Variants in PTPRD observed in about 807,000 individuals in gnomAD.
PTPRD encodes protein tyrosine phosphatase receptor type D.
In PTPRD, 34 loss-of-function variants were observed where a neutral mutation model predicts 214.5. That is an observed-to-expected ratio of 0.16 (90% confidence interval 0.12 to 0.21). The LOEUF is 0.21. Among genes scored for constraint, PTPRD ranks in the 10% least tolerant of loss-of-function variants. PTPRD has a pLI of 1.00. For synonymous variants in PTPRD, 1,128 were observed against 845.7 expected, an observed-to-expected ratio of 1.33 and a Z score of -5.79; for missense variants, 2,545 against 2,398.7, an observed-to-expected ratio of 1.06 and a Z score of -1.27.
chr9:8,558,036 T>C (rs951790231), intron 14 of PTPRD, among the ~76,000 whole-genome samples: 3 of 152,156 alleles, frequency 2.0e-5, no homozygotes, highest in South Asian at 2.1e-4. Flanking sequence ...ATCTATTATT[T>C]CTGCTACAAT....
intron 8 of PTPRD, among the ~76,000 whole-genome samples, chr9:9,529,202 A>G (rs560522960): frequency 4.0e-4 from 61 of 151,496 alleles, no homozygotes; most frequent in Non-Finnish European, 6.0e-4. Flanking sequence ...AAAGTGCTGG[A>G]ATTACAGGCG....
chr9:10,228,300 C>T (rs1046213456), intron 3 of PTPRD, among the ~76,000 whole-genome samples: 3 of 151,954 alleles, frequency 2.0e-5, no homozygotes, highest in Non-Finnish European at 2.9e-5. Context: ...TTTGTTTTCA[C>T]ATTTTGTTTG....
At chr9:8,434,206 T>C (rs1450404988) in intron 35 of PTPRD, among the ~76,000 whole-genome samples, 2 of 152,166 alleles carry the variant, frequency 1.3e-5, no homozygotes, top group African/African-American at 4.8e-5. Flanking sequence ...GATCCCGAAC[T>C]CCTGAACTCA....
At chr9:9,288,248 C>G (rs72696890) in intron 9 of PTPRD, among the ~76,000 whole-genome samples, 1 of 151,838 alleles carries the variant, frequency 6.6e-6, no homozygotes, top group Non-Finnish European at 1.5e-5. Context: ...TTTGTAAACA[C>G]ACTTGAACAT....
At chr9:9,957,845 T>C (rs1402784839) in intron 4 of PTPRD, among the ~76,000 whole-genome samples, 1 of 149,228 alleles carries the variant, frequency 6.7e-6, no homozygotes, top group Admixed American at 6.7e-5. Flanking sequence ...GATACACCGA[T>C]CAACAGAATA....
intron 2 of PTPRD, among the ~76,000 whole-genome samples, chr9:10,545,707 G>A (rs994699894): frequency 4.6e-5 from 7 of 152,150 alleles, no homozygotes; most frequent in Non-Finnish European, 1.0e-4. Context: ...CAGTTCTGTT[G>A]AGGAGCCGTC....
At chr9:8,607,049 T>G (rs1206349524) in intron 14 of PTPRD, among the ~76,000 whole-genome samples, 3 of 152,148 alleles carry the variant, frequency 2.0e-5, no homozygotes, top group Admixed American at 6.5e-5. Context: ...TTGGAATAGT[T>G]GGGAAGACAT....
rs1365986319 is a variant in PTPRD, at chr9:8,331,218, CAGAAGAAAGACAG to C, written c.5534+351_5534+363del. Among the ~76,000 whole-genome samples, 3 of 149,092 alleles carry C rather than the reference CAGAAGAAAGACAG, an allele frequency of 2.0e-5. 1 individual carries two copies. The South Asian group carries it at 6.2e-4, about 31-fold the overall frequency. On this transcript the variant is annotated intron_variant, in intron 44 of 45. Transcript: ENST00000381196. ...TAGCTATTCATGAGGTTTTCACAAA[CAGAAGAAAGACAG>C]TTATCAGTGCATTGCTATGAAAGCA...
intron 35 of PTPRD, among the ~76,000 whole-genome samples, chr9:8,431,875 A>G (rs2095078180): frequency 1.3e-5 from 2 of 152,120 alleles, no homozygotes; most frequent in African/African-American, 4.8e-5. Context: ...CTCTTTTTCT[A>G]TTGTTTGTAA....
intron 3 of PTPRD, among the ~76,000 whole-genome samples, chr9:10,089,600 T>G (rs558179237): frequency 6.6e-6 from 1 of 151,638 alleles, no homozygotes; most frequent in African/African-American, 2.4e-5. Context: ...GGTGATTAAG[T>G]ATACCTGCAT....
intron 9 of PTPRD, among the ~76,000 whole-genome samples, chr9:9,289,387 T>C (rs1031650705): frequency 1.3e-5 from 2 of 151,884 alleles, no homozygotes; most frequent in Non-Finnish European, 2.9e-5. Flanking sequence ...ATGTATTCAA[T>C]GTGTACAATG....
At chr9:8,826,871 C>T (rs1001042342) in intron 11 of PTPRD, among the ~76,000 whole-genome samples, 2 of 152,070 alleles carry the variant, frequency 1.3e-5, no homozygotes, top group Non-Finnish European at 2.9e-5. Flanking sequence ...TAACCCCACA[C>T]ACTGGTTCTC....
At chr9:8,630,649 T>C (rs2096224094) in intron 14 of PTPRD, among the ~76,000 whole-genome samples, 1 of 151,864 alleles carries the variant, frequency 6.6e-6, no homozygotes, top group African/African-American at 2.4e-5. Flanking sequence ...AAATCATAAA[T>C]TTTCATACAA....
intron 2 of PTPRD, among the ~76,000 whole-genome samples, chr9:10,414,215 G>C (rs1161343829): frequency 6.6e-6 from 1 of 151,852 alleles, no homozygotes; most frequent in Admixed American, 6.6e-5. Context: ...GTCTGACAAA[G>C]GTCTAACATC....
chr9:8,641,732 T>C (rs2096581133), intron 12 of PTPRD, among the ~76,000 whole-genome samples: 1 of 152,222 alleles, frequency 6.6e-6, no homozygotes, highest in Admixed American at 6.5e-5. Context: ...GATTATTATT[T>C]GCTACACAGC....
chr9:8,807,796 C>G (rs1221498700), intron 11 of PTPRD, among the ~76,000 whole-genome samples: 1 of 152,032 alleles, frequency 6.6e-6, no homozygotes, highest in African/African-American at 2.4e-5. Context: ...GTTTCATATC[C>G]ACAGTCCTTC....
chr9:9,916,824 G>A (rs1203547073), intron 5 of PTPRD, among the ~76,000 whole-genome samples: 1 of 151,842 alleles, frequency 6.6e-6, no homozygotes, highest in Non-Finnish European at 1.5e-5. Flanking sequence ...TGACATGTTA[G>A]GACACCAAAC....
chr9:9,919,037 T>C (rs984394159), intron 5 of PTPRD, among the ~76,000 whole-genome samples: 2 of 152,140 alleles, frequency 1.3e-5, no homozygotes, highest in Non-Finnish European at 2.9e-5. Flanking sequence ...TAGAATAACA[T>C]CTGGCAGCCT....
intron 2 of PTPRD, among the ~76,000 whole-genome samples, chr9:10,523,601 G>GTATATATATATATATATATATATACA (rs201455705): frequency 6.2e-5 from 4 of 64,352 alleles, no homozygotes; most frequent in African/African-American, 2.0e-4. Context: ...ATATTTATCT[G>GTATATATATATATATATATATATACA]TATATATATA....
Sources: gnomAD v4.1 joint callset for allele counts (sites outside exome capture counted in the v4.1 genomes callset) on GRCh38, gnomAD v4.1.1 for gene constraint, MANE v1.5 for transcripts, NCBI Gene and HGNC (gene_info 2026-07-23, HGNC 2026-07-21) for gene names.